TTC7B: variants seen among roughly 807,000 people sequenced by gnomAD.
TTC7B encodes the protein tetratricopeptide repeat protein 7B.
In TTC7B, 28 loss-of-function variants were observed where a neutral mutation model predicts 106.8. The observed-to-expected ratio is 0.26, with a 90% CI of 0.19 to 0.36. TTC7B has a LOEUF of 0.36. TTC7B is among the 10% of genes least tolerant of loss of function. The pLI is 1.00. For missense variants in TTC7B, 862 were observed against 1,076.4 expected (o/e 0.80, Z 2.79); for synonymous variants, 405 against 430.6 (o/e 0.94, Z 0.74).
At chr14:90,706,658 A>T (rs1888223967) in intron 5 of TTC7B, among the ~76,000 whole-genome samples, 1 of 152,272 alleles carries the variant, frequency 6.6e-6, no homozygotes, top group Non-Finnish European at 1.5e-5. Context: ...CCTATATTTG[A>T]CCCGAGTCCT....
intron 3 of TTC7B, among the ~76,000 whole-genome samples, chr14:90,756,893 G>GAATATGGGTCATTA (rs1379343091): frequency 6.6e-6 from 1 of 152,110 alleles, no homozygotes; most frequent in African/African-American, 2.4e-5. Flanking sequence ...CATTAAATAT[G>GAATATGGGTCATTA]AATATGGGTC....
intron 1 of TTC7B, among the ~76,000 whole-genome samples, chr14:90,810,509 C>G (rs1443164341): frequency 6.6e-6 from 1 of 152,214 alleles, no homozygotes; most frequent in Non-Finnish European, 1.5e-5. Context: ...CTCTCTGGCA[C>G]TGTTTTGTCA....
intron 1 of TTC7B, among the ~76,000 whole-genome samples, chr14:90,811,077 C>A (rs2030877528): frequency 6.6e-6 from 1 of 152,220 alleles, no homozygotes; most frequent in Non-Finnish European, 1.5e-5. Flanking sequence ...CACAAGAAAT[C>A]CAAATCCTTC....
At chr14:90,640,137 G>A (rs948581208) in intron 15 of TTC7B, among the ~76,000 whole-genome samples, 1 of 152,080 alleles carries the variant, frequency 6.6e-6, no homozygotes, top group Non-Finnish European at 1.5e-5. Flanking sequence ...AAATGAGCTG[G>A]GTATGGTGGC....
At chr14:90,642,870 TA>T (rs1276205416) in intron 15 of TTC7B, 2 of 152,012 alleles carry the variant, frequency 1.3e-5, no homozygotes, top group African/African-American at 2.4e-5. Flanking sequence ...CAAAATTGCC[TA>T]AAATAGGAGA....
intron 17 of TTC7B, among the ~76,000 whole-genome samples, chr14:90,607,681 A>T (rs994019692): frequency 2.6e-5 from 4 of 152,228 alleles, no homozygotes; most frequent in Admixed American, 2.6e-4. Flanking sequence ...GTCATGCTGG[A>T]TGGATAAGAA....
chr14:90,571,348 A>G lies in TTC7B; in HGVS notation c.2310+6758T>C, dbSNP rs570843412. On this transcript the variant is annotated intron_variant, in intron 19 of 19. Transcript: ENST00000328459. ...AAGTGTCCAGTAGGAGGCATCCAGTAGGAGGCACTACTTTGTCCTCGGCAC... is the reference window on the plus strand; with the variant it reads ...AAGTGTCCAGTAGGAGGCATCCAGTGGGAGGCACTACTTTGTCCTCGGCAC... 2.0e-5 allele frequency among the ~76,000 whole-genome samples: 3 copies of G among 152,344 alleles called. No individual in the cohort carries two copies. The East Asian group carries it at 5.8e-4, about 29-fold the overall frequency.
Position 90,539,452 on chromosome 14 carries a change from C to A in TTC7B, c.*1916G>T, listed in dbSNP as rs1889503658. ...GGCAAGCTGCCACCACACTGAGTACCTGCCCCAGGTCCTACATTGCAAATT... is the reference window on the plus strand; with the variant it reads ...GGCAAGCTGCCACCACACTGAGTACATGCCCCAGGTCCTACATTGCAAATT... On this transcript the variant is annotated 3_prime_UTR_variant, in exon 20 of 20. Transcript: ENST00000328459. The A allele has an allele frequency of 6.6e-6, 1 of 152,468 alleles. No individual in the cohort carries two copies. The highest frequency in any genetic ancestry group is 2.4e-5 in the African/African-American group (1 of 41,472). The allele number at this position is 152,468 out of a possible 1,614,324, so 9.4% of individuals were successfully genotyped here. A position where few individuals can be genotyped will look rare whatever the true frequency, so the allele number is the denominator to read the frequency against.
chr14:90,549,343 G>A (rs1889976057), intron 19 of TTC7B, among the ~76,000 whole-genome samples: 1 of 152,148 alleles, frequency 6.6e-6, no homozygotes, highest in Admixed American at 6.5e-5. Flanking sequence ...GAGTCAAACG[G>A]GCACCACCAC....
chr14:90,644,338 C>T, intron 14 of TTC7B, 130 bp from the exon 15 acceptor site: 1 of 956,658 alleles, frequency 1.0e-6, no homozygotes. Context: ...AGTTGTTTCA[C>T]ATTGTGCCTC....
At chr14:90,556,384 A>G (rs1890307382) in intron 19 of TTC7B, among the ~76,000 whole-genome samples, 1 of 152,016 alleles carries the variant, frequency 6.6e-6, no homozygotes, top group Non-Finnish European at 1.5e-5. Context: ...ACGTGGCGGT[A>G]GCTGTCAGCT....
chr14:90,734,597 A>G (rs1332409904), intron 4 of TTC7B, among the ~76,000 whole-genome samples: 1 of 152,044 alleles, frequency 6.6e-6, no homozygotes, highest in East Asian at 1.9e-4. Context: ...CGACACTGCT[A>G]TCCTTGTCAG....
At chr14:90,737,953 A>G (rs892809243) in intron 4 of TTC7B, among the ~76,000 whole-genome samples, 3 of 152,148 alleles carry the variant, frequency 2.0e-5, no homozygotes, top group Non-Finnish European at 4.4e-5. Context: ...TGGCCATAAA[A>G]TGGGGATTGA....
At chr14:90,694,376 G>C (rs1239552789) in intron 6 of TTC7B, among the ~76,000 whole-genome samples, 1 of 152,092 alleles carries the variant, frequency 6.6e-6, no homozygotes, top group African/African-American at 2.4e-5. Context: ...GACTACTAAC[G>C]AGTATAGAGT....
chr14:90,553,743 G>A (rs763483044), intron 19 of TTC7B, among the ~76,000 whole-genome samples: 58 of 152,224 alleles, frequency 3.8e-4, no homozygotes, highest in Non-Finnish European at 6.6e-4. Flanking sequence ...CAGACCTCCC[G>A]CCCACTCTCC....
chr14:90,569,384 A>G (rs1372004746), intron 19 of TTC7B, among the ~76,000 whole-genome samples: 1 of 152,150 alleles, frequency 6.6e-6, no homozygotes, highest in African/African-American at 2.4e-5. Context: ...GTCCCAAGTC[A>G]CCATCCAGGG....
In TTC7B at chr14:90,755,100, G is replaced by A. The variant is rs148474734; in HGVS notation, c.446-10178C>T. ...TACGGATACACCACTTTCTATTTAC[G>A]CATTCATCAGCTGATGAACAATGGG... is the stretch of plus-strand genomic sequence containing the variant. On this transcript the variant is annotated intron_variant, in intron 3 of 19. Coordinates refer to ENST00000328459, the MANE Select transcript of TTC7B (RefSeq NM_001010854.2). 1.7e-3 allele frequency among the ~76,000 whole-genome samples: 253 copies of A among 151,962 alleles called. 3 individuals are homozygous for A. The highest frequency in any genetic ancestry group is 0.012 in the East Asian group (62 of 5,166).
chr14:90,786,430 G>A (rs902488076), intron 1 of TTC7B, 102 bp from the exon 2 acceptor site: 2 of 1,426,860 alleles, frequency 1.4e-6, no homozygotes, highest in Non-Finnish European at 9.5e-7. Context: ...GAGGCTCCAG[G>A]CCCCCAGCAA....
chr14:90,791,764 T>TTGAGGA (rs1891594063), intron 1 of TTC7B, among the ~76,000 whole-genome samples: 1 of 152,074 alleles, frequency 6.6e-6, no homozygotes, highest in African/African-American at 2.4e-5. Context: ...AAGCCACCTA[T>TTGAGGA]TGAGGATGAG....
Sources: allele counts gnomAD v4.1 joint callset (sites outside exome capture counted in the v4.1 genomes callset), GRCh38; gene constraint gnomAD v4.1.1; transcripts MANE v1.5; gene names NCBI Gene and HGNC (gene_info 2026-07-23, HGNC 2026-07-21).